The following CSMD1 variants were observed in gnomAD, a reference collection of about 807,000 sequenced individuals.
The protein encoded by CSMD1 is CUB and sushi domain-containing protein 1.
In CSMD1, 213 loss-of-function variants were observed where a neutral mutation model predicts 417.5. That is an observed-to-expected ratio of 0.51 (90% confidence interval 0.46 to 0.57). The LOEUF is 0.57. Among genes scored for constraint, CSMD1 ranks in the 20% least tolerant of loss-of-function variants. The pLI is 0.00. For missense variants in CSMD1, 6,923 were observed against 4,529.7 expected (o/e 1.53, Z -15.17); for synonymous variants, 2,862 against 1,736.8 (o/e 1.65, Z -16.11).
intron 5 of CSMD1, among the ~76,000 whole-genome samples, chr8:3,945,824 G>A (rs1282701351): frequency 6.6e-6 from 1 of 152,060 alleles, no homozygotes; most frequent in Non-Finnish European, 1.5e-5. Flanking sequence ...CACACATGAG[G>A]TAGTATAAAA....
chr8:4,409,481 T>C (rs959020751), intron 3 of CSMD1, among the ~76,000 whole-genome samples: 12 of 152,102 alleles, frequency 7.9e-5, no homozygotes, highest in Non-Finnish European at 1.3e-4. Context: ...TCTACCTAAG[T>C]TGATATTTGA....
chr8:4,520,695 T>C (rs1038021475), intron 2 of CSMD1, among the ~76,000 whole-genome samples: 2 of 152,214 alleles, frequency 1.3e-5, no homozygotes, highest in African/African-American at 2.4e-5. Flanking sequence ...CTTGTTTGTA[T>C]GTGAAAGTCA....
chr8:3,907,677 A>G (rs1273482473), intron 5 of CSMD1, among the ~76,000 whole-genome samples: 2 of 152,156 alleles, frequency 1.3e-5, no homozygotes, highest in Non-Finnish European at 2.9e-5. Flanking sequence ...TCAGGCAGAG[A>G]TCCTGAGAGC....
At chr8:3,890,507 C>G (rs958721090) in intron 5 of CSMD1, among the ~76,000 whole-genome samples, 6 of 151,830 alleles carry the variant, frequency 4.0e-5, no homozygotes, top group African/African-American at 1.5e-4. Context: ...TTGAGGCACA[C>G]TTGCAGGACT....
intron 2 of CSMD1, among the ~76,000 whole-genome samples, chr8:4,477,179 G>T (rs1800847267): frequency 6.6e-6 from 1 of 152,206 alleles, no homozygotes; most frequent in Non-Finnish European, 1.5e-5. Context: ...CTGTCTTCCT[G>T]CGCAGACACC....
chr8:3,278,464 C>G (rs1412503043), intron 26 of CSMD1: 4 of 152,110 alleles, frequency 2.6e-5, no homozygotes, highest in Admixed American at 2.6e-4. Context: ...TCATTTAATA[C>G]AATTGAATAA....
chr8:3,778,477 G>A (rs112249442), intron 5 of CSMD1, among the ~76,000 whole-genome samples: 1 of 152,198 alleles, frequency 6.6e-6, no homozygotes, highest in African/African-American at 2.4e-5. Context: ...AAGGGTTCCT[G>A]TCTTACGGTA....
intron 49 of CSMD1, among the ~76,000 whole-genome samples, chr8:3,056,400 C>T (rs1217023576): frequency 3.3e-5 from 5 of 152,278 alleles, no homozygotes; most frequent in East Asian, 1.9e-4. Flanking sequence ...GACAAGGTCT[C>T]GCTGTCACTC....
At chr8:4,354,967 T>C (rs1002687039) in intron 3 of CSMD1, among the ~76,000 whole-genome samples, 9 of 151,310 alleles carry the variant, frequency 5.9e-5, no homozygotes, top group African/African-American at 1.9e-4. Context: ...CAAACCCATG[T>C]TTAGATCTTT....
chr8:4,734,850 T>C (rs967123416), intron 1 of CSMD1, among the ~76,000 whole-genome samples: 6 of 152,294 alleles, frequency 3.9e-5, no homozygotes, highest in East Asian at 1.9e-4. Flanking sequence ...TGAACTCTCC[T>C]TGGTGAAGAT....
intron 25 of CSMD1, 39 bp from the exon 26 acceptor site, chr8:3,284,385 C>G: frequency 1.3e-6 from 2 of 1,490,538 alleles, no homozygotes; most frequent in Non-Finnish European, 1.9e-6. Context: ...TGCCGTGCAT[C>G]GAGCATGTCC....
chr8:4,165,165 G>C (rs191512648), intron 3 of CSMD1, among the ~76,000 whole-genome samples: 3 of 152,230 alleles, frequency 2.0e-5, no homozygotes, highest in Admixed American at 6.5e-5. Context: ...TGCTTAATAT[G>C]ATACCTACGC....
chr8:4,801,472 C>G (rs1447102891), intron 1 of CSMD1, among the ~76,000 whole-genome samples: 1 of 144,878 alleles, frequency 6.9e-6, no homozygotes, highest in African/African-American at 2.5e-5. Flanking sequence ...TTTTTTTTTT[C>G]TTTTCTTCAA....
chr8:4,467,070 G>C (rs1397540337), intron 2 of CSMD1, among the ~76,000 whole-genome samples: 1 of 141,300 alleles, frequency 7.1e-6, no homozygotes, highest in East Asian at 2.1e-4. Context: ...GAAGTGATTA[G>C]CTTTGATTTC....
At chr8:3,478,635 G>A (rs1336516116) in intron 11 of CSMD1, among the ~76,000 whole-genome samples, 5 of 152,004 alleles carry the variant, frequency 3.3e-5, no homozygotes, top group Non-Finnish European at 7.4e-5. Flanking sequence ...CCCTGAACAG[G>A]CAACAGAAGG....
At chr8:4,444,414 C>G (rs1798662658) in intron 2 of CSMD1, among the ~76,000 whole-genome samples, 1 of 138,396 alleles carries the variant, frequency 7.2e-6, no homozygotes, top group South Asian at 2.4e-4. Context: ...GAATGTGGTG[C>G]TCAAAAATGG....
chr8:4,335,116 G>T (rs1800094347), intron 3 of CSMD1, among the ~76,000 whole-genome samples: 1 of 152,050 alleles, frequency 6.6e-6, no homozygotes, highest in South Asian at 2.1e-4. Context: ...TGCCCAGATT[G>T]ATCTTCAACT....
chr8:3,087,552 ATCCAATCTTTAGGCT>A (rs2129006380), intron 48 of CSMD1, among the ~76,000 whole-genome samples: 1 of 152,350 alleles, frequency 6.6e-6, no homozygotes, highest in East Asian at 1.9e-4. Flanking sequence ...CATCAAGAGT[ATCCAATCTTTAGGCT>A]TCCCTGGGAC....
intron 4 of CSMD1, among the ~76,000 whole-genome samples, chr8:4,031,313 G>C (rs768199122): frequency 6.6e-6 from 1 of 152,178 alleles, no homozygotes; most frequent in Admixed American, 6.5e-5. Context: ...GTCCCAAGTG[G>C]CTGGGGAAGC....
Sources: allele counts gnomAD v4.1 joint callset (sites outside exome capture counted in the v4.1 genomes callset), GRCh38; gene constraint gnomAD v4.1.1; transcripts MANE v1.5; gene names NCBI Gene and HGNC (gene_info 2026-07-23, HGNC 2026-07-21).